The following PRMT3 variants were observed in gnomAD, a reference collection of about 807,000 sequenced individuals.
PRMT3 encodes protein arginine N-methyltransferase 3.
Under a neutral mutation model 71.9 loss-of-function variants are expected in PRMT3, and 62 were observed. The ratio of observed to expected loss-of-function variants is 0.86; its 90% confidence interval spans 0.70 to 1.07. The LOEUF (loss-of-function observed/expected upper bound fraction) is 1.07, where lower values mean the gene tolerates loss of function less well. Among genes scored for constraint, PRMT3 ranks in the 50% least tolerant of loss-of-function variants. The probability of loss-of-function intolerance (pLI) is 0.00; values close to 1 mark genes in which losing one functional copy is unlikely to be tolerated. For missense variants in PRMT3, 663 were observed against 643.0 expected, an observed-to-expected ratio of 1.03 and a Z score of -0.34; for synonymous variants, 213 against 220.4, an observed-to-expected ratio of 0.97 and a Z score of 0.30.
intron 13 of PRMT3, among the ~76,000 whole-genome samples, chr11:20,466,620 A>T (rs1850518902): frequency 6.6e-6 from 1 of 152,170 alleles, no homozygotes. Flanking sequence ...CATATATGGA[A>T]TTGTTTTCTA....
chr11:20,431,296 G>A (rs1334855344), intron 10 of PRMT3, among the ~76,000 whole-genome samples: 1 of 151,984 alleles, frequency 6.6e-6, no homozygotes, highest in Non-Finnish European at 1.5e-5. Flanking sequence ...TCCATTCTTG[G>A]GCATGTTACC....
At chr11:20,485,368 T>C (rs887791328) in intron 13 of PRMT3, among the ~76,000 whole-genome samples, 4 of 152,146 alleles carry the variant, frequency 2.6e-5, no homozygotes, top group South Asian at 2.1e-4. Context: ...CAAGAACCAG[T>C]TGAAGCAGTA....
At chr11:20,412,844 A>G (rs1409748057) in intron 9 of PRMT3, among the ~76,000 whole-genome samples, 1 of 152,124 alleles carries the variant, frequency 6.6e-6, no homozygotes, top group Non-Finnish European at 1.5e-5. Context: ...GCATGGTGGC[A>G]TGTGCCTGAG....
chr11:20,442,435 G>A (rs950756795), intron 10 of PRMT3, among the ~76,000 whole-genome samples: 1 of 151,398 alleles, frequency 6.6e-6, no homozygotes, highest in Non-Finnish European at 1.5e-5. Context: ...TTCTTCTTCT[G>A]TTATCTTCCT....
chr11:20,417,046 A>C (rs183947215), intron 9 of PRMT3, among the ~76,000 whole-genome samples: 1 of 152,092 alleles, frequency 6.6e-6, no homozygotes, highest in Non-Finnish European at 1.5e-5. Context: ...CTTGACTCCA[A>C]TGGTTTGCGT....
chr11:20,498,630 C>T (rs1421460925), intron 15 of PRMT3, among the ~76,000 whole-genome samples: 2 of 151,920 alleles, frequency 1.3e-5, no homozygotes. Flanking sequence ...TTCGGGAGGC[C>T]GAGGCACAAG....
chr11:20,456,068 G>A (rs2133393120), intron 11 of PRMT3, among the ~76,000 whole-genome samples: 1 of 152,134 alleles, frequency 6.6e-6, no homozygotes, highest in Admixed American at 6.5e-5. Flanking sequence ...TTTCTAAATG[G>A]CAGAATATGC....
intron 13 of PRMT3, among the ~76,000 whole-genome samples, chr11:20,483,950 G>A (rs75850195): frequency 0.03 from 4,552 of 152,272 alleles, 230 homozygotes; most frequent in African/African-American, 0.1. Context: ...TAGCAGTTTT[G>A]AGTTAAAAAT....
chr11:20,477,230 T>A (rs1005016320), intron 13 of PRMT3, among the ~76,000 whole-genome samples: 4 of 152,144 alleles, frequency 2.6e-5, no homozygotes, highest in Non-Finnish European at 5.9e-5. Context: ...AAGGTCCTGA[T>A]TAGGATTTGG....
chr11:20,447,335 G>A (rs1010581972), intron 10 of PRMT3, among the ~76,000 whole-genome samples: 2 of 152,008 alleles, frequency 1.3e-5, no homozygotes, highest in Admixed American at 6.6e-5. Flanking sequence ...TAGAATTTGG[G>A]ACTGTGGGTT....
intron 13 of PRMT3, among the ~76,000 whole-genome samples, chr11:20,474,312 T>A (rs1286619673): frequency 6.6e-6 from 1 of 152,238 alleles, no homozygotes; most frequent in African/African-American, 2.4e-5. Context: ...ACTGCAGAGA[T>A]GGCAGCCGCC....
intron 11 of PRMT3, among the ~76,000 whole-genome samples, chr11:20,453,731 G>GT (rs1271649021): frequency 1.3e-5 from 2 of 151,762 alleles, no homozygotes; most frequent in African/African-American, 4.8e-5. Context: ...CAGTGGCTTT[G>GT]TTTTTTTAAT....
chr11:20,504,741 A>AGAGAGAGAGAGC (rs1565243517), intron 15 of PRMT3, among the ~76,000 whole-genome samples: 2 of 137,630 alleles, frequency 1.5e-5, no homozygotes, highest in Admixed American at 7.2e-5. Context: ...AGAGAGAGAG[A>AGAGAGAGAGAGC]GAGAGCGAGA....
chr11:20,469,455 G>A (rs1198033666), intron 13 of PRMT3, among the ~76,000 whole-genome samples: 2 of 152,136 alleles, frequency 1.3e-5, no homozygotes, highest in African/African-American at 4.8e-5. Context: ...TTTGAATAAT[G>A]CTTATTATAG....
At chr11:20,445,830 C>CT (rs1285286468) in intron 10 of PRMT3, among the ~76,000 whole-genome samples, 5 of 152,156 alleles carry the variant, frequency 3.3e-5, no homozygotes, top group African/African-American at 1.2e-4. Flanking sequence ...CAAAACATAC[C>CT]TTTTTCTTTT....
intron 13 of PRMT3, among the ~76,000 whole-genome samples, chr11:20,484,731 AG>A (rs1851030202): frequency 6.6e-6 from 1 of 152,150 alleles, no homozygotes; most frequent in African/African-American, 2.4e-5. Flanking sequence ...TCATACAGGT[AG>A]GGGGCCTTAG....
chr11:20,416,526 T>A (rs1159996465), intron 9 of PRMT3, among the ~76,000 whole-genome samples: 1 of 152,308 alleles, frequency 6.6e-6, no homozygotes, highest in African/African-American at 2.4e-5. Flanking sequence ...TGTAAGTACT[T>A]ATTCAATGAA....
intron 11 of PRMT3, among the ~76,000 whole-genome samples, chr11:20,460,461 A>G (rs1850357858): frequency 6.6e-6 from 1 of 151,902 alleles, no homozygotes; most frequent in Non-Finnish European, 1.5e-5. Flanking sequence ...CTCATGTAAC[A>G]CTTACCTTCT....
chr11:20,407,025 A>G (rs1849086452), intron 8 of PRMT3: 1 of 152,200 alleles, frequency 6.6e-6, no homozygotes, highest in Non-Finnish European at 1.5e-5. Flanking sequence ...TTGTATACAT[A>G]TGCGAGCACA....
Sources: allele counts gnomAD v4.1 joint callset (sites outside exome capture counted in the v4.1 genomes callset), GRCh38; gene constraint gnomAD v4.1.1; transcripts MANE v1.5; gene names NCBI Gene and HGNC (gene_info 2026-07-23, HGNC 2026-07-21).